DENND1B: variants seen among roughly 807,000 people sequenced by gnomAD.
The protein encoded by DENND1B is DENN domain containing 1B.
A neutral mutation model predicts 90.1 loss-of-function variants in DENND1B; 59 were observed. That is an observed-to-expected ratio of 0.65 (90% confidence interval 0.53 to 0.81). The LOEUF (loss-of-function observed/expected upper bound fraction) is 0.81. Among genes scored for constraint, DENND1B ranks in the 40% least tolerant of loss-of-function variants. The pLI is 0.00. For missense variants in DENND1B, 862 were observed against 912.6 expected (o/e 0.94, Z 0.71); for synonymous variants, 337 against 324.6 (o/e 1.04, Z -0.41).
intron 10 of DENND1B, among the ~76,000 whole-genome samples, chr1:197,632,758 CTTTAAT>C (rs983846703): frequency 2.6e-5 from 4 of 152,134 alleles, no homozygotes; most frequent in African/African-American, 9.7e-5. Flanking sequence ...AATGCTTCTA[CTTTAAT>C]TTTAAGATGC....
intron 3 of DENND1B, among the ~76,000 whole-genome samples, chr1:197,687,540 T>A (rs923092544): frequency 2.0e-5 from 3 of 152,184 alleles, no homozygotes; most frequent in Admixed American, 2.0e-4. Context: ...AGCAAGAAAT[T>A]TCAGTAACTC....
intron 10 of DENND1B, among the ~76,000 whole-genome samples, chr1:197,625,581 C>A (rs1439402452): frequency 2.0e-5 from 3 of 151,976 alleles, no homozygotes; most frequent in African/African-American, 7.2e-5. Flanking sequence ...TAAAGACCAT[C>A]GAGGCTAGGA....
chr1:197,703,609 A>G lies in DENND1B; in HGVS notation c.126+11422T>C, dbSNP rs1659248554. Among the ~76,000 whole-genome samples, 2 of 152,176 alleles carry G rather than the reference A, an allele frequency of 1.3e-5. 1 individual carries two copies. Among genetic ancestry groups the G allele is most frequent in the South Asian group, 4.1e-4 (2 of 4,836 alleles). On this transcript the variant is annotated intron_variant, in intron 3 of 22. Transcript: ENST00000620048. Reference sequence around the variant, plus strand: ...GTTTGGTCTTGAACATGAGCACACAAGGGAATAAAATGTGATTTTTGTCTT... The same window carrying G: ...GTTTGGTCTTGAACATGAGCACACAGGGGAATAAAATGTGATTTTTGTCTT...
At chr1:197,718,128 T>A (rs575154064) in intron 2 of DENND1B, among the ~76,000 whole-genome samples, 1 of 152,154 alleles carries the variant, frequency 6.6e-6, no homozygotes, top group African/African-American at 2.4e-5. Context: ...CTTTCTTTAT[T>A]GAGATGTGAG....
At chr1:197,636,032 T>C (rs779308846) in intron 10 of DENND1B, among the ~76,000 whole-genome samples, 38 of 151,204 alleles carry the variant, frequency 2.5e-4, no homozygotes, top group Non-Finnish European at 4.3e-4. Context: ...TCTAAAGATC[T>C]GTGTGGACTA....
intron 20 of DENND1B, among the ~76,000 whole-genome samples, chr1:197,522,220 T>A (rs1170801456): frequency 2.0e-5 from 3 of 152,082 alleles, no homozygotes; most frequent in Non-Finnish European, 4.4e-5. Context: ...GCTGAAAACA[T>A]ACGTGTCAGG....
Position 197,513,548 on chromosome 1 carries a change from G to T in DENND1B, c.1516-595C>A, listed in dbSNP as rs1668187229. 4.0e-5 allele frequency among the ~76,000 whole-genome samples: 6 copies of T among 151,322 alleles called. No homozygotes were observed. The South Asian group carries it at 1.2e-3, about 31-fold the overall frequency. The stretch of plus-strand genomic sequence containing the variant: ...GGGGGGTCACACTTTGAATCATTAA[G>T]TTTTTGAAGCAAATCCCAGGCAACC... On this transcript the variant is annotated intron_variant, in intron 20 of 22. Transcript: ENST00000620048.
intron 10 of DENND1B, among the ~76,000 whole-genome samples, chr1:197,631,751 T>C (rs1366656049): frequency 6.6e-6 from 1 of 151,880 alleles, no homozygotes; most frequent in African/African-American, 2.4e-5. Context: ...AATTACTATA[T>C]ATAACCTTTA....
chr1:197,630,054 G>C (rs1321361769), intron 10 of DENND1B, among the ~76,000 whole-genome samples: 2 of 152,050 alleles, frequency 1.3e-5, no homozygotes, highest in African/African-American at 4.8e-5. Flanking sequence ...GACAACAAAT[G>C]CTGATGAAGA....
At chr1:197,622,548 C>T (rs937666736) in intron 10 of DENND1B, among the ~76,000 whole-genome samples, 14 of 151,390 alleles carry the variant, frequency 9.2e-5, no homozygotes, top group African/African-American at 1.7e-4. Context: ...ATCTTTGGAC[C>T]GGACAATCAA....
At chr1:197,559,694 T>C (rs927576937) in intron 15 of DENND1B, among the ~76,000 whole-genome samples, 1 of 148,338 alleles carries the variant, frequency 6.7e-6, no homozygotes, top group African/African-American at 2.5e-5. Flanking sequence ...AAAATTTGCC[T>C]TTTTATATAA....
chr1:197,512,571 T>C (rs374966874), intron 21 of DENND1B, among the ~76,000 whole-genome samples: 4 of 151,668 alleles, frequency 2.6e-5, no homozygotes, highest in Admixed American at 2.0e-4. Context: ...AACCTTCCTC[T>C]CTTCAGAATG....
rs1033792810 is a variant in DENND1B, at chr1:197,588,989, T to C, written c.1048-5736A>G. ...AAAAAGAAAAACTACAGCTACCTAC[T>C]AATGTTCTATTTACCTATGATTCAG... On this transcript the variant is annotated intron_variant, in intron 14 of 22. Coordinates refer to ENST00000620048, the MANE Select transcript of DENND1B (RefSeq NM_001195215.2). 5.3e-5 allele frequency among the ~76,000 whole-genome samples: 8 copies of C among 152,242 alleles called. No homozygotes were observed. In the East Asian group the frequency reaches 1.3e-3, roughly 26 times the overall value.
intron 10 of DENND1B, among the ~76,000 whole-genome samples, chr1:197,622,919 A>C (rs1678304732): frequency 6.6e-6 from 1 of 151,412 alleles, no homozygotes; most frequent in African/African-American, 2.4e-5. Context: ...AAAGACATTT[A>C]TCAGATTCCC....
At chr1:197,612,274 T>G (rs1677249580) in intron 11 of DENND1B, among the ~76,000 whole-genome samples, 1 of 150,638 alleles carries the variant, frequency 6.6e-6, no homozygotes, top group South Asian at 2.1e-4. Flanking sequence ...AAGAAGAATA[T>G]CCAGGTCTAG....
At chr1:197,530,538 A>C (rs1486118525) in intron 20 of DENND1B, among the ~76,000 whole-genome samples, 1 of 152,202 alleles carries the variant, frequency 6.6e-6, no homozygotes, top group Admixed American at 6.5e-5. Flanking sequence ...ATTTCTATTC[A>C]AGTCATAAAC....
At chr1:197,632,359 A>G (rs1054061894) in intron 10 of DENND1B, among the ~76,000 whole-genome samples, 14 of 152,248 alleles carry the variant, frequency 9.2e-5, no homozygotes, top group Admixed American at 5.2e-4. Context: ...CTCTCCATAT[A>G]CAAACATACA....
At chr1:197,780,669 T>C (rs1192542514), upstream of DENND1B, among the ~76,000 whole-genome samples, 1 of 152,186 alleles carries the variant, frequency 6.6e-6, no homozygotes, top group Admixed American at 6.5e-5. Flanking sequence ...TCTCACTTGA[T>C]TGCCTGCTCT....
intron 6 of DENND1B, among the ~76,000 whole-genome samples, chr1:197,652,793 C>T (rs1653383361): frequency 6.6e-6 from 1 of 151,932 alleles, no homozygotes; most frequent in South Asian, 2.1e-4. Context: ...CTAAATATTT[C>T]TTTTCTACAT....
Sources: gnomAD v4.1 joint callset for allele counts (sites outside exome capture counted in the v4.1 genomes callset) on GRCh38, gnomAD v4.1.1 for gene constraint, MANE v1.5 for transcripts, NCBI Gene and HGNC (gene_info 2026-07-23, HGNC 2026-07-21) for gene names.